The following TMEM184B variants were observed in gnomAD, a reference collection of about 807,000 sequenced individuals.
The protein encoded by TMEM184B is transmembrane protein 184B.
TMEM184B carries 17 observed loss-of-function variants against 41.8 expected under a neutral mutation model. The observed-to-expected ratio is 0.41, with a 90% confidence interval of 0.28 to 0.61. TMEM184B has a LOEUF of 0.61. TMEM184B is among the 20% of genes least tolerant of loss of function. TMEM184B has a pLI of 0.34. For missense variants in TMEM184B, 393 were observed against 557.8 expected, an observed-to-expected ratio of 0.70 and a Z score of 2.98; for synonymous variants, 240 against 229.5, an observed-to-expected ratio of 1.05 and a Z score of -0.41.
In TMEM184B at chr22:38,272,946, G is replaced by A. The variant is rs2092547770; in HGVS notation, c.-121C>T. On this transcript the variant is annotated 5_prime_UTR_variant, in exon 1 of 9. Transcript: ENST00000361906. ...TGCGCGGCAGCCGGACTCTGCGGGC[G>A]GGGCGGGCGGCGCCGCAGCCCCGGA... 7 of 444,056 alleles carry A rather than the reference G, an allele frequency of 1.6e-5. No homozygotes were observed. The highest frequency in any genetic ancestry group is 4.3e-5 in the African/African-American group (2 of 47,050). 27.5% of individuals were successfully genotyped at this position (444,056 alleles called of 1,614,324 possible).
intron 1 of TMEM184B, among the ~76,000 whole-genome samples, chr22:38,255,212 G>A (rs2092255990): frequency 6.6e-6 from 1 of 152,170 alleles, no homozygotes; most frequent in Admixed American, 6.5e-5. Context: ...TTTTAGTAGA[G>A]ACGGGGTTTC....
Position 38,272,942 on chromosome 22 carries a change from G to A in TMEM184B, c.-117C>T. ...ACGATGCGCGGCAGCCGGACTCTGC[G>A]GGCGGGGCGGGCGGCGCCGCAGCCC... On this transcript the variant is annotated 5_prime_UTR_variant, in exon 1 of 9. Transcript: ENST00000361906. 1 of 440,836 alleles carries A rather than the reference G, an allele frequency of 2.3e-6. No individual in the cohort carries two copies. Among genetic ancestry groups the A allele is most frequent in the Non-Finnish European group, 3.0e-6 (1 of 332,890 alleles). The allele number at this position is 440,836 out of a possible 1,614,324, so 27.3% of individuals were successfully genotyped here.
At chr22:38,251,453 G>T (rs2145717176) in intron 1 of TMEM184B, among the ~76,000 whole-genome samples, 1 of 152,302 alleles carries the variant, frequency 6.6e-6, no homozygotes, top group Admixed American at 6.5e-5. Flanking sequence ...ATAGACGCAT[G>T]GTCCCCAATA....
chr22:38,265,866 G>A (rs747394470), intron 1 of TMEM184B, among the ~76,000 whole-genome samples: 1 of 152,186 alleles, frequency 6.6e-6, no homozygotes, highest in Non-Finnish European at 1.5e-5. Flanking sequence ...CGGCGCCATG[G>A]GGTTAGTTAT....
rs753816660 is a variant in TMEM184B at position 38,243,805 on chromosome 22, T to C, written c.358+2130A>G. Among the ~76,000 whole-genome samples, 38 of 152,142 alleles carry C rather than the reference T, an allele frequency of 2.5e-4. 1 individual carries two copies. The highest frequency in any genetic ancestry group is 2.3e-3 in the Admixed American group (35 of 15,272). ...CCTTATTCATCCAAAAGGGAGGAAG[T>C]AGGCATCTCCCATGGGCCCGGCTCT... On this transcript the variant is annotated intron_variant, in intron 3 of 8. Coordinates refer to ENST00000361906, the MANE Select transcript of TMEM184B (RefSeq NM_012264.5).
At chr22:38,272,232 T>C (rs558155174) in intron 1 of TMEM184B, among the ~76,000 whole-genome samples, 1 of 152,290 alleles carries the variant, frequency 6.6e-6, no homozygotes, top group East Asian at 1.9e-4. Flanking sequence ...TGGAGGTAAG[T>C]GGATCCAAGC....
intron 3 of TMEM184B, 65 bp from the exon 4 acceptor site, chr22:38,231,399 T>G (rs2091615812): frequency 7.7e-7 from 1 of 1,298,836 alleles, no homozygotes; most frequent in East Asian, 2.3e-5. Flanking sequence ...ATGCTGGGAT[T>G]CTAAACAGCA....
At chr22:38,233,160 T>C (rs1011355306) in intron 3 of TMEM184B, among the ~76,000 whole-genome samples, 5 of 152,208 alleles carry the variant, frequency 3.3e-5, no homozygotes, top group Non-Finnish European at 5.9e-5. Flanking sequence ...AGGAACACAT[T>C]TGCGGCATTT....
chr22:38,218,567 C>T (rs115883291), downstream of TMEM184B, among the ~76,000 whole-genome samples: 302 of 152,082 alleles, frequency 2.0e-3, 2 homozygotes, highest in African/African-American at 7.0e-3. Flanking sequence ...ACCAGTTGGG[C>T]GAAGGTGCAG....
At position 38,228,977 on chromosome 22, in the gene TMEM184B, A is replaced by T. The variant is rs999326521; in HGVS notation, c.525+1692T>A. 2.0e-5 allele frequency among the ~76,000 whole-genome samples: 3 copies of T among 152,220 alleles called. No homozygotes were observed. The East Asian group carries it at 5.8e-4, about 29-fold the overall frequency. ...AATGGCTCTCAATGCCCCACCCTGA[A>T]CCCAGGATAGTTTTAACTCTTTCCC... On this transcript the variant is annotated intron_variant, in intron 5 of 8. Coordinates refer to ENST00000361906, the MANE Select transcript of TMEM184B (RefSeq NM_012264.5).
At chr22:38,230,624 C>G (rs1569021348) in intron 5 of TMEM184B, 45 bp downstream of exon 5, 1 of 1,578,494 alleles carries the variant, frequency 6.3e-7, no homozygotes, top group Middle Eastern at 1.7e-4. Context: ...CCTCCCAGAC[C>G]CCGCCCTGCT....
At chr22:38,257,779 G>A (rs1440415511) in intron 1 of TMEM184B, among the ~76,000 whole-genome samples, 2 of 152,116 alleles carry the variant, frequency 1.3e-5, no homozygotes, top group East Asian at 3.9e-4. Flanking sequence ...ACATATTGGG[G>A]GTGCATGTTC....
intron 1 of TMEM184B, among the ~76,000 whole-genome samples, chr22:38,269,047 T>A (rs2092483685): frequency 6.6e-6 from 1 of 152,226 alleles, no homozygotes; most frequent in Non-Finnish European, 1.5e-5. Flanking sequence ...GGAAAGTGAA[T>A]CATTTGCCCC....
intron 3 of TMEM184B, among the ~76,000 whole-genome samples, chr22:38,233,610 T>C (rs753836356): frequency 3.3e-5 from 5 of 152,102 alleles, no homozygotes; most frequent in Non-Finnish European, 7.4e-5. Context: ...GCAAGAACTA[T>C]GGGGCAAAGG....
intron 1 of TMEM184B, among the ~76,000 whole-genome samples, chr22:38,263,940 G>C (rs1232395435): frequency 6.6e-6 from 1 of 152,294 alleles, no homozygotes; most frequent in African/African-American, 2.4e-5. Flanking sequence ...GAGTAGCTGG[G>C]ATTACAGGTG....
intron 4 of TMEM184B, among the ~76,000 whole-genome samples, 169 bp from the exon 5 acceptor site, chr22:38,230,913 G>A (rs189447247): frequency 3.3e-5 from 5 of 152,302 alleles, no homozygotes; most frequent in South Asian, 2.1e-4. Flanking sequence ...CAGGGCATCC[G>A]CACATGCCAT....
In TMEM184B at chr22:38,249,926, C is replaced by A. The variant is rs887914125; in HGVS notation, c.-58-1907G>T. Among the ~76,000 whole-genome samples, 3 of 152,358 alleles carry A rather than the reference C, an allele frequency of 2.0e-5. No individual in the cohort carries two copies. In the East Asian group the frequency reaches 5.8e-4, roughly 29 times the overall value. ...AAACACCCGACAATTTTAAAAGATG[C>A]AAAGTGCAGTATGTAGGCACTGAGG... On this transcript the variant is annotated intron_variant, in intron 1 of 8. Coordinates refer to ENST00000361906, the MANE Select transcript of TMEM184B (RefSeq NM_012264.5).
At chr22:38,245,883 TCCCA>T in intron 3 of TMEM184B, 48 bp downstream of exon 3, 283 of 1,288,344 alleles carry the variant, frequency 2.2e-4, no homozygotes, top group Middle Eastern at 2.7e-4. Context: ...GGACAGGGGC[TCCCA>T]GCCCCCCAGC....
At chr22:38,216,498 C>T (rs1462260478), downstream of TMEM184B, 1 of 152,824 alleles carries the variant, frequency 6.5e-6, no homozygotes, top group Non-Finnish European at 1.6e-5. Context: ...CTTTCTTTTT[C>T]CACAGAGAAT....
Sources: gnomAD v4.1 joint callset for allele counts (sites outside exome capture counted in the v4.1 genomes callset) on GRCh38, gnomAD v4.1.1 for gene constraint, MANE v1.5 for transcripts, NCBI Gene and HGNC (gene_info 2026-07-23, HGNC 2026-07-21) for gene names.